The following RPA3 variants were observed in gnomAD, a reference collection of about 807,000 sequenced individuals.
The protein encoded by RPA3 is replication protein A3, also known as replication protein A 14 kDa subunit.
RPA3 carries 24 observed loss-of-function variants against 13.7 expected under a neutral mutation model. The observed-to-expected ratio is 1.75, with a 90% CI of 1.27 to 2.46. RPA3 has a LOEUF of 2.46. Among genes scored for constraint, RPA3 ranks in the 30% most tolerant of loss-of-function variants. RPA3 has a pLI of 0.00. For missense variants in RPA3, 183 were observed against 151.0 expected (o/e 1.21, Z -1.11); for synonymous variants, 59 against 51.2 (o/e 1.15, Z -0.65).
At chr7:7,654,091 C>T (rs1785287170) in intron 4 of RPA3, among the ~76,000 whole-genome samples, 1 of 152,152 alleles carries the variant, frequency 6.6e-6, no homozygotes, top group Admixed American at 6.5e-5. Context: ...CTTATCACTG[C>T]TAGGCTACCC....
At chr7:7,658,246 T>A (rs1785391261) in intron 4 of RPA3, among the ~76,000 whole-genome samples, 2 of 152,266 alleles carry the variant, frequency 1.3e-5, no homozygotes, top group African/African-American at 4.8e-5. Flanking sequence ...TACAATCATG[T>A]CATCTGCAAA....
In RPA3 at chr7:7,683,948, A is replaced by T. The variant is rs554544644; in HGVS notation, c.-758+1882T>A. On this transcript the variant is annotated intron_variant, in intron 4 of 7. Transcript: ENST00000223129. ...AAAATTCATTTTCTATGAGTAATATACAGTTTTCCCTTGGTATCTGTGGGA... is the reference window on the plus strand; with the variant it reads ...AAAATTCATTTTCTATGAGTAATATTCAGTTTTCCCTTGGTATCTGTGGGA... Among the ~76,000 whole-genome samples the T allele has an allele frequency of 1.5e-3, 229 of 152,306 alleles. 6 individuals are homozygous for T. The highest frequency in any genetic ancestry group is 0.012 in the Admixed American group (177 of 15,302).
intron 2 of RPA3, among the ~76,000 whole-genome samples, chr7:7,692,799 G>A (rs1421621428): frequency 2.0e-5 from 3 of 152,078 alleles, no homozygotes; most frequent in Non-Finnish European, 4.4e-5. Flanking sequence ...TAGTAGAGAC[G>A]GGGTTCACCA....
chr7:7,639,260 A>G, intron 5 of RPA3, 116 bp from the exon 6 acceptor site: 1 of 632,558 alleles, frequency 1.6e-6, no homozygotes, highest in Admixed American at 3.2e-5. Flanking sequence ...CAGTTTATTC[A>G]TTCAGTTTAT....
At chr7:7,642,683 G>C (rs1213636357) in intron 4 of RPA3, among the ~76,000 whole-genome samples, 2 of 152,122 alleles carry the variant, frequency 1.3e-5, no homozygotes, top group Non-Finnish European at 2.9e-5. Flanking sequence ...TAGCCGATTT[G>C]CATAGTTTTG....
intron 2 of RPA3, among the ~76,000 whole-genome samples, chr7:7,701,403 T>TTTATATATCTTAAATTAGTAA: frequency 6.6e-6 from 1 of 152,304 alleles, no homozygotes; most frequent in South Asian, 2.1e-4. Context: ...TATGTGACAT[T>TTTATATATCTTAAATTAGTAA]TTATATATCT....
At chr7:7,641,331 C>T (rs1482336494) in intron 4 of RPA3, among the ~76,000 whole-genome samples, 156 bp from the exon 5 acceptor site, 2 of 152,110 alleles carry the variant, frequency 1.3e-5, no homozygotes, top group Admixed American at 6.6e-5. Context: ...AACCACTGGC[C>T]AGTACTAGGG....
In RPA3 at chr7:7,663,214, AT is replaced by A. The variant is rs143721625; in HGVS notation, c.-757-22040del. Among the ~76,000 whole-genome samples, 332 of 148,686 alleles carry A rather than the reference AT, an allele frequency of 2.2e-3. 2 individuals carry two copies. The highest frequency in any genetic ancestry group is 7.8e-3 in the African/African-American group (317 of 40,614). ...AAAAAGTCTGGTCTTGACCTGCTAA[AT>A]TGTTTACTTCCACTCAAGGGTTGGA... On this transcript the variant is annotated intron_variant, in intron 4 of 7. Transcript: ENST00000223129.
intron 6 of RPA3, chr7:7,638,568 A>G (rs1431792645): frequency 6.6e-6 from 1 of 152,400 alleles, no homozygotes; most frequent in Admixed American, 6.6e-5. Context: ...AAACAAAACA[A>G]AACAAAACAA....
chr7:7,655,741 G>C (rs932120050), intron 4 of RPA3, among the ~76,000 whole-genome samples: 12 of 152,162 alleles, frequency 7.9e-5, no homozygotes, highest in Admixed American at 5.2e-4. Context: ...TGTTAAATTA[G>C]AGGACAGGCT....
chr7:7,656,673 T>C (rs569536146), intron 4 of RPA3, among the ~76,000 whole-genome samples: 3 of 152,338 alleles, frequency 2.0e-5, no homozygotes, highest in Admixed American at 2.0e-4. Context: ...TGTATACTAT[T>C]CCATGGTGTA....
chr7:7,675,745 T>G (rs1042370040), intron 4 of RPA3, among the ~76,000 whole-genome samples: 2 of 152,156 alleles, frequency 1.3e-5, no homozygotes, highest in African/African-American at 4.8e-5. Flanking sequence ...AGTTGAACAG[T>G]CATGGTGAGG....
chr7:7,685,018 A>G (rs1466790830), intron 4 of RPA3, among the ~76,000 whole-genome samples: 1 of 152,094 alleles, frequency 6.6e-6, no homozygotes, highest in African/African-American at 2.4e-5. Flanking sequence ...GTCAGATTTA[A>G]CTCAAAAATT....
At chr7:7,714,875 T>C (rs2115174735) in intron 2 of RPA3, among the ~76,000 whole-genome samples, 1 of 149,474 alleles carries the variant, frequency 6.7e-6, no homozygotes, top group Non-Finnish European at 1.5e-5. Context: ...TTTTTTTTAG[T>C]TGATAGTAAC....
chr7:7,713,325 C>T (rs933611027), intron 2 of RPA3, among the ~76,000 whole-genome samples: 1 of 151,904 alleles, frequency 6.6e-6, no homozygotes, highest in Non-Finnish European at 1.5e-5. Context: ...GCCTGGGTGA[C>T]AGAGTGAGAC....
intron 2 of RPA3, among the ~76,000 whole-genome samples, chr7:7,713,920 G>A (rs1174950715): frequency 2.6e-5 from 4 of 152,044 alleles, no homozygotes; most frequent in Non-Finnish European, 1.5e-5. Flanking sequence ...CTGCAGCCTC[G>A]ACCTCCTAGT....
intron 2 of RPA3, among the ~76,000 whole-genome samples, chr7:7,709,127 G>C (rs1418139224): frequency 6.6e-6 from 1 of 152,106 alleles, no homozygotes; most frequent in Non-Finnish European, 1.5e-5. Context: ...ATTCGGCATG[G>C]TTAAGGGATT....
At chr7:7,662,270 C>T (rs1785493314) in intron 4 of RPA3, among the ~76,000 whole-genome samples, 1 of 152,162 alleles carries the variant, frequency 6.6e-6, no homozygotes, top group Admixed American at 6.5e-5. Context: ...ATCCACTGAG[C>T]TAGACCACTT....
chr7:7,661,964 C>A (rs1206106131), intron 4 of RPA3, among the ~76,000 whole-genome samples: 3 of 152,138 alleles, frequency 2.0e-5, no homozygotes, highest in African/African-American at 7.2e-5. Context: ...TGTTTATAAG[C>A]CCCTGACTGG....
Sources: allele counts gnomAD v4.1 joint callset (sites outside exome capture counted in the v4.1 genomes callset), GRCh38; gene constraint gnomAD v4.1.1; transcripts MANE v1.5; gene names NCBI Gene and HGNC (gene_info 2026-07-23, HGNC 2026-07-21).